The following TRAPPC10 variants were observed in gnomAD, a reference collection of about 807,000 sequenced individuals.
The protein encoded by TRAPPC10 is TRAPP 130 kDa subunit.
Under a neutral mutation model 125.5 loss-of-function variants are expected in TRAPPC10, and 23 were observed. The observed-to-expected ratio is 0.18, with a 90% CI of 0.13 to 0.26. The LOEUF (loss-of-function observed/expected upper bound fraction) is 0.26, where lower values mean the gene tolerates loss of function less well. Ranked by LOEUF, TRAPPC10 falls within the 10% of genes least tolerant of loss-of-function variation. The probability of loss-of-function intolerance (pLI) is 1.00; values close to 1 mark genes in which losing one functional copy is unlikely to be tolerated. For missense variants in TRAPPC10, 1,123 were observed against 1,308.4 expected (o/e 0.86, Z 2.19); for synonymous variants, 509 against 518.0 (o/e 0.98, Z 0.24).
At chr21:44,074,630 A>G (rs145499248) in intron 8 of TRAPPC10, among the ~76,000 whole-genome samples, 160 bp downstream of exon 8, 191 of 152,350 alleles carry the variant, frequency 1.3e-3, no homozygotes, top group African/African-American at 4.2e-3. Flanking sequence ...CAAAGAAGTC[A>G]TAGTTCCCTA....
At chr21:44,093,941 G>C in intron 19 of TRAPPC10, 122 bp from the exon 20 acceptor site, 1 of 1,022,764 alleles carries the variant, frequency 9.8e-7, no homozygotes, top group Non-Finnish European at 1.4e-6. Context: ...CGTGCTGTGA[G>C]GCGGGGCCTG....
chr21:44,020,506 C>T (rs556102693), intron 1 of TRAPPC10, among the ~76,000 whole-genome samples: 10 of 151,032 alleles, frequency 6.6e-5, no homozygotes, highest in Admixed American at 1.3e-4. Flanking sequence ...CATGGTGGTG[C>T]GTGCTTCTAG....
intron 3 of TRAPPC10, chr21:44,046,238 C>A: frequency 5.1e-6 from 1 of 197,136 alleles, no homozygotes. Flanking sequence ...AATAGAATTA[C>A]AGAAAGGTAA....
intron 15 of TRAPPC10, among the ~76,000 whole-genome samples, chr21:44,084,736 A>G (rs2038011240): frequency 6.6e-6 from 1 of 152,084 alleles, no homozygotes; most frequent in Non-Finnish European, 1.5e-5. Context: ...CCCCCTTCCC[A>G]TGCCAGCCAC....
At position 44,079,657 on chromosome 21, in the gene TRAPPC10, A is replaced by G; in HGVS notation, c.1563A>G (p.Thr521=). The G allele has an allele frequency of 6.2e-7, 1 of 1,610,952 alleles. No individual in the cohort carries two copies. Among genetic ancestry groups the G allele is most frequent in the Non-Finnish European group, 8.5e-7 (1 of 1,179,288 alleles). The part of the protein sequence containing the change: ...AEGWALPITH[T]RKQLAECQKH... Reference sequence around the variant, plus strand: ...GCTGGGCACTCCCCATCACACACACAAGGAAGCAGCTGGCCGAATGTCAAA... The same window carrying G: ...GCTGGGCACTCCCCATCACACACACGAGGAAGCAGCTGGCCGAATGTCAAA... The change falls in exon 12 of 23, where the codon ACA becomes ACG. Residue 521 remains threonine (T), a synonymous_variant. Coordinates refer to ENST00000291574, the MANE Select transcript of TRAPPC10 (RefSeq NM_003274.5).
chr21:44,086,740 G>A (rs1472963811), intron 15 of TRAPPC10, 62 bp from the exon 16 acceptor site: 5 of 1,576,526 alleles, frequency 3.2e-6, no homozygotes, highest in Admixed American at 1.7e-5. Context: ...ACCCCATTGC[G>A]GGCCCTGAGA....
At chr21:44,051,602 G>A (rs1173230288) in intron 3 of TRAPPC10, among the ~76,000 whole-genome samples, 1 of 152,206 alleles carries the variant, frequency 6.6e-6, no homozygotes, top group Non-Finnish European at 1.5e-5. Flanking sequence ...TTGGGCCTCT[G>A]CGTGAGAAGC....
At chr21:44,069,347 A>G (rs532513486) in intron 7 of TRAPPC10, among the ~76,000 whole-genome samples, 1 of 152,218 alleles carries the variant, frequency 6.6e-6, no homozygotes, top group Non-Finnish European at 1.5e-5. Flanking sequence ...AGACTGACAA[A>G]CCAGTAGAAA....
Position 44,063,037 on chromosome 21 carries a change from C to G in TRAPPC10, c.791-501C>G, listed in dbSNP as rs1194368048. On this transcript the variant is annotated intron_variant, in intron 6 of 22. Coordinates refer to ENST00000291574, the MANE Select transcript of TRAPPC10 (RefSeq NM_003274.5). This position sits in a 1 kb window ranked among gnomAD's most constrained non-coding sequence, Gnocchi z 4.4. ...TCTATGTGCTGCTACCAAGTCCTCC[C>G]TGTCCCTTCCTCCAGGAGCTTGACT... 18 of 1,304,278 alleles carry G rather than the reference C, an allele frequency of 1.4e-5. No individual in the cohort carries two copies. Among genetic ancestry groups the G allele is most frequent in the East Asian group, 5.5e-5 (1 of 18,050 alleles). The allele number at this position is 1,304,278 out of a possible 1,614,324, so 80.8% of individuals were successfully genotyped here.
Position 44,071,375 on chromosome 21 carries a change from T to A in TRAPPC10, c.1039-2949T>A, listed in dbSNP as rs150356521. Among the ~76,000 whole-genome samples, 519 of 152,358 alleles carry A rather than the reference T, an allele frequency of 3.4e-3. 2 individuals carry two copies. The highest frequency in any genetic ancestry group is 5.2e-3 in the Non-Finnish European group (357 of 68,040). On this transcript the variant is annotated intron_variant, in intron 7 of 22. Coordinates refer to ENST00000291574, the MANE Select transcript of TRAPPC10 (RefSeq NM_003274.5). ...CTTGTTGTATGCATTTTGCCACTTG[T>A]TTTTTCAAAGCAATGAAAAAGTATC... is the stretch of plus-strand genomic sequence containing the variant.
intron 2 of TRAPPC10, 81 bp downstream of exon 2, chr21:44,032,253 GT>G (rs1360710730): frequency 4.3e-6 from 5 of 1,165,518 alleles, no homozygotes; most frequent in Non-Finnish European, 6.2e-6. Flanking sequence ...AGTATATGTT[GT>G]TTAGACATTT....
rs58767563 is a variant in TRAPPC10, at chr21:44,022,276, ATTTTTTTTTTTT to A, written c.67+9729_67+9740del. Among the ~76,000 whole-genome samples the A allele has an allele frequency of 2.1e-4, 18 of 83,814 alleles. No individual in the cohort carries two copies. In the East Asian group the frequency reaches 5.7e-3, roughly 26 times the overall value. 55.0% of individuals were successfully genotyped at this position (83,814 alleles called of 152,430 possible). On this transcript the variant is annotated intron_variant, in intron 1 of 22. Transcript: ENST00000291574. ...GGCACATGGCACCATGCCTGGCTAA[ATTTTTTTTTTTT>A]TTTTTTTTTTTTGAGATGGAATTTC...
chr21:44,071,867 G>A (rs1216402906), intron 7 of TRAPPC10, among the ~76,000 whole-genome samples: 1 of 152,136 alleles, frequency 6.6e-6, no homozygotes, highest in Non-Finnish European at 1.5e-5. Flanking sequence ...AGGGAGGGGT[G>A]GCCGAGCTCA....
intron 9 of TRAPPC10, 55 bp from the exon 10 acceptor site, chr21:44,076,497 C>A: frequency 7.0e-7 from 1 of 1,422,408 alleles, no homozygotes; most frequent in South Asian, 1.2e-5. Flanking sequence ...AATGTAAAGT[C>A]ATGTGACTGG....
At chr21:44,050,077 C>G (rs2035133168) in intron 3 of TRAPPC10, among the ~76,000 whole-genome samples, 1 of 152,010 alleles carries the variant, frequency 6.6e-6, no homozygotes. Flanking sequence ...TGGGATTTCA[C>G]TATTTGGCCA....
At chr21:44,035,560 G>A (rs191171656) in intron 2 of TRAPPC10, among the ~76,000 whole-genome samples, 32 of 152,148 alleles carry the variant, frequency 2.1e-4, no homozygotes, top group African/African-American at 6.0e-4. Flanking sequence ...AGGCCAAGGC[G>A]GGTAGATTGG....
At position 44,035,440 on chromosome 21, in the gene TRAPPC10, C is replaced by A. The variant is rs529424751; in HGVS notation, c.150-2352C>A. ...ATGGATGTGTGTGTGTGTTGGTGGG[C>A]GGTGAGGAGGAAGAGAGGGAGAGAG... On this transcript the variant is annotated intron_variant, in intron 2 of 22. Transcript: ENST00000291574. Among the ~76,000 whole-genome samples, 31 of 152,094 alleles carry A rather than the reference C, an allele frequency of 2.0e-4. 2 individuals carry two copies. The highest frequency in any genetic ancestry group is 1.9e-3 in the Admixed American group (29 of 15,280).
chr21:44,085,124 C>G (rs1466997697), intron 15 of TRAPPC10, among the ~76,000 whole-genome samples: 3 of 152,174 alleles, frequency 2.0e-5, no homozygotes, highest in African/African-American at 7.2e-5. Context: ...TTGGGTGCCA[C>G]TGCTGAAAGG....
rs115020347 is a variant in TRAPPC10 at position 44,050,569 on chromosome 21, T to G, written c.286-1711T>G. Among the ~76,000 whole-genome samples the G allele has an allele frequency of 3.7e-4, 57 of 152,268 alleles. 1 individual carries two copies. The Middle Eastern group carries it at 0.02, about 55-fold the overall frequency. On this transcript the variant is annotated intron_variant, in intron 3 of 22. Coordinates refer to ENST00000291574, the MANE Select transcript of TRAPPC10 (RefSeq NM_003274.5). ...CTCTGGGCCCTGTTGGCCTTTTGGT[T>G]TTGCTTCCAGGCATGGCGTGTTGGG...
Sources: gnomAD v4.1 joint callset for allele counts (sites outside exome capture counted in the v4.1 genomes callset) on GRCh38, gnomAD v4.1.1 for gene constraint, Gnocchi (gnomAD v3.1) non-coding constraint, MANE v1.5 for transcripts, NCBI Gene and HGNC (gene_info 2026-07-23, HGNC 2026-07-21) for gene names.